Variants in DLGAP2 observed in about 807,000 individuals in gnomAD.
The protein encoded by DLGAP2 is DLG associated protein 2.
In DLGAP2, 26 loss-of-function variants were observed where a neutral mutation model predicts 100.3. The ratio of observed to expected loss-of-function variants is 0.26; its 90% CI spans 0.19 to 0.36. The LOEUF (loss-of-function observed/expected upper bound fraction) is 0.36, where lower values mean the gene tolerates loss of function less well. Ranked by LOEUF, DLGAP2 falls within the 10% of genes least tolerant of loss-of-function variation. The pLI is 1.00. For missense variants in DLGAP2, 1,858 were observed against 1,453.2 expected, an observed-to-expected ratio of 1.28 and a Z score of -4.53; for synonymous variants, 886 against 630.1, an observed-to-expected ratio of 1.41 and a Z score of -6.08.
At chr8:971,046 A>G (rs1324067178) in intron 2 of DLGAP2, among the ~76,000 whole-genome samples, 2 of 152,318 alleles carry the variant, frequency 1.3e-5, no homozygotes, top group Middle Eastern at 3.4e-3. Flanking sequence ...TCAGGATCTT[A>G]AATGGTAACT....
chr8:1,517,397 C>A (rs1249661213), intron 4 of DLGAP2, among the ~76,000 whole-genome samples: 1 of 152,070 alleles, frequency 6.6e-6, no homozygotes. Context: ...TGAGGGGCAC[C>A]CCTGGGCGCC....
At chr8:1,088,692 T>C (rs1291558961) in intron 2 of DLGAP2, among the ~76,000 whole-genome samples, 39 of 102,416 alleles carry the variant, frequency 3.8e-4, no homozygotes, top group East Asian at 6.6e-4. Flanking sequence ...CACTCCCCAG[T>C]CTCATTCTCT....
At chr8:1,432,957 C>T (rs996690826) in intron 3 of DLGAP2, among the ~76,000 whole-genome samples, 7 of 152,146 alleles carry the variant, frequency 4.6e-5, no homozygotes, top group South Asian at 4.1e-4. Flanking sequence ...ACCCAGGGCC[C>T]GCTGTGCTGC....
At chr8:1,280,556 A>T (rs929708054) in intron 3 of DLGAP2, among the ~76,000 whole-genome samples, 1 of 152,194 alleles carries the variant, frequency 6.6e-6, no homozygotes, top group Non-Finnish European at 1.5e-5. Context: ...CTCAAAGTTA[A>T]AGAACTTCAT....
At chr8:1,475,200 C>T (rs886977244) in intron 3 of DLGAP2, among the ~76,000 whole-genome samples, 10 of 152,188 alleles carry the variant, frequency 6.6e-5, no homozygotes, top group African/African-American at 1.2e-4. Flanking sequence ...AACAAGACAC[C>T]GGGAACTACT....
chr8:1,282,861 T>C (rs1799844109), intron 3 of DLGAP2, among the ~76,000 whole-genome samples: 1 of 99,258 alleles, frequency 1.0e-5, no homozygotes, highest in Non-Finnish European at 1.9e-5. Flanking sequence ...GGACGTGGTG[T>C]GACCTGAACC....
intron 4 of DLGAP2, among the ~76,000 whole-genome samples, chr8:1,505,035 G>A (rs572609840): frequency 1.3e-5 from 2 of 152,302 alleles, no homozygotes; most frequent in South Asian, 2.1e-4. Flanking sequence ...GAAAGAGGGA[G>A]GGAAGGATAT....
At chr8:1,262,893 T>C (rs1281367251) in intron 3 of DLGAP2, among the ~76,000 whole-genome samples, 1 of 144,966 alleles carries the variant, frequency 6.9e-6, no homozygotes, top group African/African-American at 2.5e-5. Context: ...TGTCAGTTCA[T>C]GGATTTGTCT....
intron 6 of DLGAP2, among the ~76,000 whole-genome samples, chr8:1,623,288 C>T (rs1410177792): frequency 1.3e-5 from 2 of 152,188 alleles, no homozygotes; most frequent in African/African-American, 2.4e-5. Flanking sequence ...GCCCCCATCC[C>T]GCCCAAGCCT....
At chr8:1,441,632 G>T (rs1050702814) in intron 3 of DLGAP2, among the ~76,000 whole-genome samples, 3 of 141,274 alleles carry the variant, frequency 2.1e-5, no homozygotes, top group South Asian at 2.3e-4. Flanking sequence ...AGGTTGCAGT[G>T]AGCCGAGATC....
chr8:1,018,165 T>C (rs1303148754), intron 2 of DLGAP2, among the ~76,000 whole-genome samples: 1 of 151,914 alleles, frequency 6.6e-6, no homozygotes, highest in Admixed American at 6.6e-5. Context: ...TCAGATGCAT[T>C]ATCCTAGACT....
intron 2 of DLGAP2, among the ~76,000 whole-genome samples, chr8:1,181,214 C>T (rs1376555076): frequency 6.9e-6 from 1 of 144,378 alleles, no homozygotes; most frequent in African/African-American, 2.6e-5. Context: ...CACTTACTGT[C>T]GAGTGTGGGT....
intron 1 of DLGAP2, among the ~76,000 whole-genome samples, chr8:890,227 G>C (rs1798007664): frequency 6.6e-6 from 1 of 152,128 alleles, no homozygotes; most frequent in Non-Finnish European, 1.5e-5. Context: ...TGGGCGTTTA[G>C]TTTCTGATAC....
intron 3 of DLGAP2, among the ~76,000 whole-genome samples, chr8:1,310,559 A>T (rs934838701): frequency 9.2e-5 from 14 of 152,230 alleles, no homozygotes; most frequent in African/African-American, 3.1e-4. Context: ...TCAAGTGTAC[A>T]TGAAACATTC....
chr8:1,425,600 G>T (rs565976675), intron 3 of DLGAP2, among the ~76,000 whole-genome samples: 7 of 152,314 alleles, frequency 4.6e-5, no homozygotes, highest in African/African-American at 1.2e-4. Context: ...CCAGATCCCG[G>T]ACAGCCTGGG....
rs531064450 is a variant in DLGAP2 at position 1,179,921 on chromosome 8, G to C, written c.74-78930G>C. Reference sequence around the variant, plus strand: ...TGAAAACAAAATAACGAGTAGATGGGAAATTAAACCGTGCCTTTAGAAATA... The same window carrying C: ...TGAAAACAAAATAACGAGTAGATGGCAAATTAAACCGTGCCTTTAGAAATA... On this transcript the variant is annotated intron_variant, in intron 2 of 14. Coordinates refer to ENST00000637795, the MANE Select transcript of DLGAP2 (RefSeq NM_001346810.2). Among the ~76,000 whole-genome samples, 3 of 152,302 alleles carry C rather than the reference G, an allele frequency of 2.0e-5. No homozygotes were observed. The East Asian group carries it at 5.8e-4, about 29-fold the overall frequency.
chr8:1,459,574 AT>A (rs1798414846), intron 3 of DLGAP2, among the ~76,000 whole-genome samples: 2 of 152,172 alleles, frequency 1.3e-5, no homozygotes, highest in Non-Finnish European at 2.9e-5. Context: ...TGTATTGTTT[AT>A]AAAATTGATT....
At chr8:1,252,073 G>A (rs556257978) in intron 2 of DLGAP2, among the ~76,000 whole-genome samples, 31 of 143,220 alleles carry the variant, frequency 2.2e-4, no homozygotes, top group African/African-American at 7.6e-4. Context: ...CTGTGTTGTC[G>A]TGTGGGTGTG....
chr8:1,222,764 G>A (rs146237007), intron 2 of DLGAP2, among the ~76,000 whole-genome samples: 269 of 152,182 alleles, frequency 1.8e-3, no homozygotes, highest in African/African-American at 6.3e-3. Flanking sequence ...GAGGGCTGGG[G>A]CTGTGGCCAC....
Sources: gnomAD v4.1 joint callset for allele counts (sites outside exome capture counted in the v4.1 genomes callset) on GRCh38, gnomAD v4.1.1 for gene constraint, MANE v1.5 for transcripts, NCBI Gene and HGNC (gene_info 2026-07-23, HGNC 2026-07-21) for gene names.